PKIB: variants seen among roughly 807,000 people sequenced by gnomAD.
PKIB encodes the protein cAMP-dependent protein kinase inhibitor beta, also known as PKI-beta.
Under a neutral mutation model 4.5 loss-of-function variants are expected in PKIB, and 2 were observed. That is an observed-to-expected ratio of 0.44 (90% CI 0.18 to 1.39). PKIB has a LOEUF of 1.39. PKIB is among the 40% of genes most tolerant of loss of function. The pLI is 0.27. For synonymous variants in PKIB, 38 were observed against 36.0 expected, an observed-to-expected ratio of 1.06 and a Z score of -0.20; for missense variants, 94 against 92.6, an observed-to-expected ratio of 1.02 and a Z score of -0.06.
Position 122,655,639 on chromosome 6 carries a change from A to G in PKIB, c.-75-19439A>G, listed in dbSNP as rs9388108. Among the ~76,000 whole-genome samples the G allele has an allele frequency of 4.6e-5, 7 of 152,326 alleles. No homozygotes were observed. In the East Asian group the frequency reaches 1.3e-3, roughly 29 times the overall value. ...CCAGACAGATGAAGACACTGCCTTC[A>G]TGGAGGTAACAGTCTAGTAGAGAAG... On this transcript the variant is annotated intron_variant, in intron 2 of 4. Transcript: ENST00000368452.
chr6:122,680,176 A>G (rs745842867), intron 3 of PKIB, among the ~76,000 whole-genome samples: 1 of 152,268 alleles, frequency 6.6e-6, no homozygotes, highest in Non-Finnish European at 1.5e-5. Flanking sequence ...TCTATTTAAC[A>G]TGAATACATA....
chr6:122,644,525 A>G, intron 2 of PKIB: 1 of 152,158 alleles, frequency 6.6e-6, no homozygotes, highest in East Asian at 1.9e-4. Context: ...CTGTGTTTTC[A>G]TTTGTAAATG....
rs1039307913 is a variant in PKIB, at chr6:122,488,817, C to G, written c.-248+10878C>G. ...AGGCAGAGGTAGAAAATGTCTGTCACTCACATACACAAACATTTGTATCTA... is the reference window on the plus strand; with the variant it reads ...AGGCAGAGGTAGAAAATGTCTGTCAGTCACATACACAAACATTTGTATCTA... On this transcript the variant is annotated intron_variant, in intron 2 of 6. Transcript: ENST00000392491. 4.6e-5 allele frequency among the ~76,000 whole-genome samples: 7 copies of G among 152,232 alleles called. No individual in the cohort carries two copies. The East Asian group carries it at 1.3e-3, about 29-fold the overall frequency.
At chr6:122,547,640 T>C (rs189169452) in intron 2 of PKIB, among the ~76,000 whole-genome samples, 2 of 152,242 alleles carry the variant, frequency 1.3e-5, no homozygotes, top group Admixed American at 6.5e-5. Context: ...GCCCGGCCTA[T>C]TCAGCAGCTT....
intron 2 of PKIB, among the ~76,000 whole-genome samples, chr6:122,663,241 A>C (rs2114920614): frequency 6.6e-6 from 1 of 152,316 alleles, no homozygotes; most frequent in East Asian, 1.9e-4. Context: ...TATTAGTCTG[A>C]TCCTGGTTTT....
At chr6:122,526,980 G>A (rs567094898) in intron 2 of PKIB, among the ~76,000 whole-genome samples, 1 of 152,120 alleles carries the variant, frequency 6.6e-6, no homozygotes, top group African/African-American at 2.4e-5. Flanking sequence ...TCTTGGCTAC[G>A]TCTTCTGGAT....
intron 3 of PKIB, among the ~76,000 whole-genome samples, chr6:122,695,603 A>G (rs967874421): frequency 6.6e-5 from 10 of 152,262 alleles, no homozygotes; most frequent in Admixed American, 6.5e-4. Context: ...TGATTCAGGC[A>G]TATTGTAGAT....
At chr6:122,562,871 A>ATT (rs201455526) in intron 2 of PKIB, among the ~76,000 whole-genome samples, 1 of 144,246 alleles carries the variant, frequency 6.9e-6, no homozygotes, top group African/African-American at 2.5e-5. Flanking sequence ...TTCTGGTATC[A>ATT]TTTTTTTTTT....
intron 2 of PKIB, among the ~76,000 whole-genome samples, chr6:122,585,179 A>G (rs1773815519): frequency 6.6e-6 from 1 of 152,130 alleles, no homozygotes; most frequent in Non-Finnish European, 1.5e-5. Flanking sequence ...TCACTTCAAT[A>G]AAAGTTGATG....
At chr6:122,661,217 A>G (rs72964561) in intron 2 of PKIB, among the ~76,000 whole-genome samples, 21,912 of 152,080 alleles carry the variant, frequency 0.14, 2,037 homozygotes, top group East Asian at 0.23. Context: ...TTATTGACAT[A>G]ATTTGCTACC....
At chr6:122,529,440 T>C (rs1383570864) in intron 2 of PKIB, among the ~76,000 whole-genome samples, 1 of 152,192 alleles carries the variant, frequency 6.6e-6, no homozygotes, top group African/African-American at 2.4e-5. Flanking sequence ...TGAATTTTTG[T>C]CATTTAAGTT....
intron 2 of PKIB, among the ~76,000 whole-genome samples, chr6:122,513,938 A>G (rs557577848): frequency 7.2e-5 from 11 of 152,350 alleles, no homozygotes; most frequent in East Asian, 5.8e-4. Context: ...ACCTGAAGCA[A>G]TAAGAAACTG....
intron 2 of PKIB, among the ~76,000 whole-genome samples, chr6:122,573,483 C>G (rs1479955731): frequency 1.4e-5 from 2 of 142,288 alleles, no homozygotes; most frequent in African/African-American, 5.3e-5. Context: ...GATTGTGCCA[C>G]TGTCCTCCAG....
At chr6:122,473,680 C>G (rs1775371846) in intron 1 of PKIB, among the ~76,000 whole-genome samples, 1 of 152,284 alleles carries the variant, frequency 6.6e-6, no homozygotes, top group South Asian at 2.1e-4. Flanking sequence ...GAAATGATGA[C>G]TTTTTCAAAT....
intron 2 of PKIB, among the ~76,000 whole-genome samples, chr6:122,645,408 G>A (rs901037642): frequency 6.6e-6 from 1 of 152,210 alleles, no homozygotes; most frequent in African/African-American, 2.4e-5. Context: ...GAGCTAGTAG[G>A]CTGATTATCT....
intron 3 of PKIB, among the ~76,000 whole-genome samples, chr6:122,683,071 C>T (rs190875674): frequency 6.6e-6 from 1 of 152,236 alleles, no homozygotes; most frequent in African/African-American, 2.4e-5. Context: ...GTGCTGCCTC[C>T]CTGGAATCGA....
chr6:122,687,827 G>A (rs1778153408), intron 3 of PKIB, among the ~76,000 whole-genome samples: 1 of 152,006 alleles, frequency 6.6e-6, no homozygotes, highest in Non-Finnish European at 1.5e-5. Flanking sequence ...ATTCTACTGA[G>A]TTTATCAGTT....
chr6:122,601,070 A>T (rs1774349813), intron 3 of PKIB, among the ~76,000 whole-genome samples: 1 of 152,124 alleles, frequency 6.6e-6, no homozygotes, highest in Non-Finnish European at 1.5e-5. Context: ...GTAAAAAAAA[A>T]AAATCAGTGA....
At chr6:122,663,218 TTAATC>T (rs1777079012) in intron 2 of PKIB, among the ~76,000 whole-genome samples, 2 of 152,204 alleles carry the variant, frequency 1.3e-5, no homozygotes, top group South Asian at 4.1e-4. Flanking sequence ...AATGTATTCT[TTAATC>T]TAAGATCTAT....
Sources: gnomAD v4.1 joint callset for allele counts (sites outside exome capture counted in the v4.1 genomes callset) on GRCh38, gnomAD v4.1.1 for gene constraint, MANE v1.5 for transcripts, NCBI Gene and HGNC (gene_info 2026-07-23, HGNC 2026-07-21) for gene names.